Variants in ADGRB1 observed in about 807,000 individuals in gnomAD.
The protein encoded by ADGRB1 is adhesion G protein-coupled receptor B1.
In ADGRB1, 36 loss-of-function variants were observed where a neutral mutation model predicts 175.7. The observed-to-expected ratio is 0.20, with a 90% CI of 0.16 to 0.27. The LOEUF is 0.27. Among genes scored for constraint, ADGRB1 ranks in the 10% least tolerant of loss-of-function variants. The probability of loss-of-function intolerance (pLI) is 1.00; values close to 1 mark genes in which losing one functional copy is unlikely to be tolerated. For synonymous variants in ADGRB1, 1,054 were observed against 979.4 expected, an observed-to-expected ratio of 1.08 and a Z score of -1.42; for missense variants, 1,731 against 2,255.3, an observed-to-expected ratio of 0.77 and a Z score of 4.71.
chr8:142,489,205 T>G, intron 15 of ADGRB1, 95 bp downstream of exon 15: 1 of 1,540,174 alleles, frequency 6.5e-7, no homozygotes, highest in Non-Finnish European at 8.9e-7. Context: ...CCAGGGGGCC[T>G]GGAGGAGTGT....
chr8:142,521,698 C>T (rs1199161516), intron 20 of ADGRB1, among the ~76,000 whole-genome samples: 1 of 152,204 alleles, frequency 6.6e-6, no homozygotes, highest in Admixed American at 6.5e-5. Flanking sequence ...TGAGAAGGCC[C>T]CTGGCTTAGC....
chr8:142,494,567 G>A (rs1381148596), intron 17 of ADGRB1, among the ~76,000 whole-genome samples: 2 of 151,994 alleles, frequency 1.3e-5, no homozygotes, highest in Non-Finnish European at 2.9e-5. Context: ...TGCAATGCAA[G>A]TCACCTGCCT....
chr8:142,491,817 C>G (rs1157970819), intron 17 of ADGRB1, among the ~76,000 whole-genome samples: 1 of 152,160 alleles, frequency 6.6e-6, no homozygotes, highest in Non-Finnish European at 1.5e-5. Flanking sequence ...TGGTCCCTTG[C>G]GTGGTGGGTA....
Position 142,542,455 on chromosome 8 carries a change from C to T in ADGRB1, c.4221C>T (p.Pro1407=), listed in dbSNP as rs779884852. ...QPPSGGPPEA[P]PAQPPPPPPP... is the part of the protein sequence containing the mutation. ...CCAGCGGCGGGCCCCCCGAGGCACC[C>T]CCTGCCCAGCCCCCACCGCCTCCGC... Residue 1407 remains proline (P), a synonymous_variant, in exon 28 of 31, where the codon CCC becomes CCT. Transcript: ENST00000517894. The surrounding 1 kb of genome is among the most constrained non-coding windows in gnomAD (Gnocchi z 6.3). 6.6e-6 allele frequency: 9 copies of T among 1,372,758 alleles called. No individual in the cohort carries two copies. Among genetic ancestry groups the T allele is most frequent in the Non-Finnish European group, 9.5e-7 (1 of 1,049,154 alleles). 85.0% of individuals were successfully genotyped at this position (1,372,758 alleles called of 1,614,324 possible).
At chr8:142,480,693 C>T (rs886596012) in intron 9 of ADGRB1, among the ~76,000 whole-genome samples, 3 of 152,208 alleles carry the variant, frequency 2.0e-5, no homozygotes, top group African/African-American at 4.8e-5. Context: ...GTCAGGGCTG[C>T]GACAGTTCTT....
At position 142,485,275 on chromosome 8, in the gene ADGRB1, A is replaced by T. The variant is rs555852913; in HGVS notation, c.2308+511A>T. ...CGAGTGAGTGGCTGAATCCCGGGGTAAAAGGTGGCTGTCATTACAAACACA... is the reference window on the plus strand; with the variant it reads ...CGAGTGAGTGGCTGAATCCCGGGGTTAAAGGTGGCTGTCATTACAAACACA... On this transcript the variant is annotated intron_variant, in intron 13 of 30. Transcript: ENST00000517894. Among the ~76,000 whole-genome samples the T allele has an allele frequency of 3.3e-5, 5 of 152,330 alleles. No homozygotes were observed. In the South Asian group the frequency reaches 1.0e-3, roughly 32 times the overall value.
chr8:142,536,691 G>T (rs1357160546), intron 25 of ADGRB1, among the ~76,000 whole-genome samples: 1 of 151,960 alleles, frequency 6.6e-6, no homozygotes, highest in Non-Finnish European at 1.5e-5. Flanking sequence ...GCAGGTTCTC[G>T]CAGGCGGACT....
rs1229982033 is a variant in ADGRB1 at position 142,474,844 on chromosome 8, G to C, written c.785-630G>C. On this transcript the variant is annotated intron_variant, in intron 2 of 30. Transcript: ENST00000517894. This position sits in a 1 kb window ranked among gnomAD's most constrained non-coding sequence, Gnocchi z 5.8. ...TTTATCCCAGGCTCCCTCCTCGGGT[G>C]GCCAGCTGGCCAGGTCCAGGGCAGG... 1.3e-5 allele frequency among the ~76,000 whole-genome samples: 2 copies of C among 152,276 alleles called. No homozygotes were observed. The highest frequency in any genetic ancestry group is 4.8e-5 in the African/African-American group (2 of 41,552).
chr8:142,451,369 T>C (rs1465187194), intron 1 of ADGRB1, among the ~76,000 whole-genome samples: 1 of 152,152 alleles, frequency 6.6e-6, no homozygotes, highest in Non-Finnish European at 1.5e-5. Flanking sequence ...CTAAGTTTCT[T>C]GGAGCGCAGG....
intron 19 of ADGRB1, among the ~76,000 whole-genome samples, chr8:142,519,979 G>A (rs1203176836): frequency 6.7e-6 from 1 of 148,628 alleles, no homozygotes; most frequent in Non-Finnish European, 1.5e-5. Flanking sequence ...TGGTTGTGAT[G>A]GTATTGGTGC....
intron 1 of ADGRB1, among the ~76,000 whole-genome samples, chr8:142,456,551 G>A (rs1242607244): frequency 6.6e-6 from 1 of 152,094 alleles, no homozygotes; most frequent in Non-Finnish European, 1.5e-5. Context: ...CACCTGCACA[G>A]CTTTCACCTG....
intron 1 of ADGRB1, among the ~76,000 whole-genome samples, chr8:142,457,640 G>T (rs1488021180): frequency 6.6e-6 from 1 of 152,142 alleles, no homozygotes; most frequent in Non-Finnish European, 1.5e-5. Context: ...GCTCTCTACG[G>T]GCAGGCCTAG....
At chr8:142,463,872 C>G (rs1042989043) in intron 1 of ADGRB1, 108 bp from the exon 2 acceptor site, 2 of 243,434 alleles carry the variant, frequency 8.2e-6, no homozygotes, top group Non-Finnish European at 1.6e-5. Context: ...GTCCTCCTGC[C>G]CTCGTTGGTA....
rs1053720645 is a variant in ADGRB1, at chr8:142,542,736, C to G, written c.4413+89C>G. 5 of 1,251,856 alleles carry G rather than the reference C, an allele frequency of 4.0e-6. No homozygotes were observed. Among genetic ancestry groups the G allele is most frequent in the Non-Finnish European group, 5.4e-6 (5 of 927,536 alleles). The allele number at this position is 1,251,856 out of a possible 1,614,324, so 77.5% of individuals were successfully genotyped here. ...CCCCTGCTGGGTGGGACCCCCACGC[C>G]GTCAGCGGGGCGGGCTGGCTCTGCC... On this transcript the variant is annotated intron_variant, in intron 28 of 30. Transcript: ENST00000517894. This position sits in a 1 kb window ranked among gnomAD's most constrained non-coding sequence, Gnocchi z 6.3.
chr8:142,508,746 G>T (rs565766702), intron 17 of ADGRB1, among the ~76,000 whole-genome samples: 4 of 152,246 alleles, frequency 2.6e-5, no homozygotes, highest in Non-Finnish European at 5.9e-5. Context: ...GAGCCTGACC[G>T]TGCTGCAGGG....
chr8:142,457,937 C>T (rs527606186), intron 1 of ADGRB1, among the ~76,000 whole-genome samples: 73 of 152,296 alleles, frequency 4.8e-4, no homozygotes, highest in Admixed American at 3.8e-3. Context: ...GCACCCTGAG[C>T]GGGGAAGGCC....
At chr8:142,461,940 C>T (rs1266818557) in intron 1 of ADGRB1, among the ~76,000 whole-genome samples, 7 of 152,126 alleles carry the variant, frequency 4.6e-5, no homozygotes, top group African/African-American at 1.2e-4. Context: ...GGGACTGTAG[C>T]GCAAGGTGAG....
At position 142,464,458 on chromosome 8, in the gene ADGRB1, C is replaced by A; in HGVS notation, c.260C>A (p.Ala87Asp). The change falls in exon 2 of 31, where the codon GCC (alanine) becomes GAC (aspartate). Residue 87 changes from alanine to aspartate, a missense_variant. This residue lies in a region of ADGRB1 where 383 missense variants were observed against 383.1 expected (regional missense o/e 1.00). Coordinates refer to ENST00000517894, the MANE Select transcript of ADGRB1 (RefSeq NM_001702.3). ...CGCTACACTCTCTACATGAAGGTGG[C>A]CAAGGCGCCCGTGCCCTGCAGCGGC... ...PRRYTLYMKV[A>D]KAPVPCSGPG... The A allele has an allele frequency of 6.3e-7, 1 of 1,578,778 alleles. No homozygotes were observed. The highest frequency in any genetic ancestry group is 8.6e-7 in the Non-Finnish European group (1 of 1,166,820).
chr8:142,529,671 TGTGTACCTGTGAGCGTGCATCG>T (rs141020204), intron 24 of ADGRB1, among the ~76,000 whole-genome samples: 14,783 of 151,176 alleles, frequency 0.098, 1,454 homozygotes, highest in African/African-American at 0.26. Context: ...TGTGCATCTG[TGTGTACCTGTGAGCGTGCATCG>T]GTGTACCTGT....
Sources: allele counts gnomAD v4.1 joint callset (sites outside exome capture counted in the v4.1 genomes callset), GRCh38; gene constraint gnomAD v4.1.1; regional missense constraint gnomAD v4.1.1; non-coding constraint Gnocchi (gnomAD v3.1); transcripts MANE v1.5; gene names NCBI Gene and HGNC (gene_info 2026-07-23, HGNC 2026-07-21).